The following KCNH7 variants were observed in gnomAD, a reference collection of about 807,000 sequenced individuals.
KCNH7 encodes voltage-gated inwardly rectifying potassium channel KCNH7.
Under a neutral mutation model 120.8 loss-of-function variants are expected in KCNH7, and 49 were observed. That is an observed-to-expected ratio of 0.41 (90% CI 0.32 to 0.51). The LOEUF (loss-of-function observed/expected upper bound fraction) is 0.51. KCNH7 is among the 20% of genes least tolerant of loss of function. The pLI, the probability that KCNH7 is intolerant of heterozygous loss-of-function variation, is 0.38. For synonymous variants in KCNH7, 547 were observed against 516.1 expected (o/e 1.06, Z -0.81); for missense variants, 1,097 against 1,446.6 (o/e 0.76, Z 3.92).
chr2:162,690,458 T>C (rs947017906), intron 2 of KCNH7, among the ~76,000 whole-genome samples: 2 of 152,206 alleles, frequency 1.3e-5, no homozygotes, highest in Non-Finnish European at 2.9e-5. Flanking sequence ...TTACCCATCA[T>C]TCATTTGTCT....
intron 2 of KCNH7, among the ~76,000 whole-genome samples, chr2:162,660,817 G>A (rs868541729): frequency 8.6e-5 from 13 of 151,974 alleles, no homozygotes; most frequent in Non-Finnish European, 1.2e-4. Context: ...GGTATATGTC[G>A]AAATAAACAC....
chr2:162,756,819 A>G (rs1288366247), intron 2 of KCNH7, among the ~76,000 whole-genome samples: 1 of 152,172 alleles, frequency 6.6e-6, no homozygotes, highest in Admixed American at 6.6e-5. Flanking sequence ...TTAAAGGACA[A>G]TTTAGCTTAT....
chr2:162,835,323 G>A (rs1685621489), intron 2 of KCNH7, among the ~76,000 whole-genome samples: 1 of 151,978 alleles, frequency 6.6e-6, no homozygotes, highest in Admixed American at 6.6e-5. Flanking sequence ...ATTGTACATT[G>A]AATTATAAGA....
intron 6 of KCNH7, among the ~76,000 whole-genome samples, chr2:162,500,366 TA>T (rs374220661): frequency 1.4e-4 from 10 of 71,794 alleles, no homozygotes; most frequent in African/African-American, 4.1e-4. Context: ...ATATAGTATA[TA>T]ATGTATATAT....
At chr2:162,818,815 GT>G (rs1221560455) in intron 2 of KCNH7, among the ~76,000 whole-genome samples, 1 of 152,012 alleles carries the variant, frequency 6.6e-6, no homozygotes, top group Admixed American at 6.6e-5. Flanking sequence ...CATTTTTCAA[GT>G]TTTTTTCACA....
chr2:162,540,469 G>A (rs1692265610), intron 2 of KCNH7, among the ~76,000 whole-genome samples: 1 of 152,044 alleles, frequency 6.6e-6, no homozygotes, highest in African/African-American at 2.4e-5. Context: ...ATAAGTTGGT[G>A]GCGTATACCT....
intron 2 of KCNH7, among the ~76,000 whole-genome samples, chr2:162,804,890 A>T (rs546948527): frequency 6.6e-6 from 1 of 152,080 alleles, no homozygotes; most frequent in South Asian, 2.1e-4. Context: ...CATCTTAATG[A>T]TATAGACACA....
chr2:162,406,158 C>A (rs1687210478), intron 9 of KCNH7, among the ~76,000 whole-genome samples: 1 of 151,902 alleles, frequency 6.6e-6, no homozygotes, highest in Non-Finnish European at 1.5e-5. Context: ...GGTGGTTATA[C>A]TTTCTCGATT....
intron 12 of KCNH7, among the ~76,000 whole-genome samples, chr2:162,393,561 G>A (rs1336604375): frequency 6.6e-6 from 1 of 151,922 alleles, no homozygotes; most frequent in Non-Finnish European, 1.5e-5. Context: ...GAAGATTGAA[G>A]TATTACAGAC....
rs562861847 is a variant in KCNH7, at chr2:162,465,727, T to C, written c.1129-19284A>G. On this transcript the variant is annotated intron_variant, in intron 6 of 15. Transcript: ENST00000332142. ...AACTGGGTATATCAATATTGTACAT[T>C]TACAAAAAATCCATTAAGTATCATG... Among the ~76,000 whole-genome samples, 17 of 152,278 alleles carry C rather than the reference T, an allele frequency of 1.1e-4. No individual in the cohort carries two copies. In the East Asian group the frequency reaches 3.3e-3, roughly 29 times the overall value.
At chr2:162,725,597 T>A (rs768256836) in intron 2 of KCNH7, among the ~76,000 whole-genome samples, 20 of 152,164 alleles carry the variant, frequency 1.3e-4, no homozygotes, top group Non-Finnish European at 2.8e-4. Flanking sequence ...CACTGGGAAG[T>A]TATTCATGAA....
intron 2 of KCNH7, among the ~76,000 whole-genome samples, chr2:162,574,842 C>T (rs1693615486): frequency 6.6e-6 from 1 of 152,098 alleles, no homozygotes; most frequent in Admixed American, 6.6e-5. Flanking sequence ...CTTTCCTCTA[C>T]ACAGTATTAT....
chr2:162,759,864 T>C (rs184167659), intron 2 of KCNH7, among the ~76,000 whole-genome samples: 134 of 152,290 alleles, frequency 8.8e-4, no homozygotes, highest in Non-Finnish European at 1.1e-3. Context: ...TGTATTTGCT[T>C]CCACTAATTG....
intron 2 of KCNH7, among the ~76,000 whole-genome samples, chr2:162,563,573 T>C (rs1181124815): frequency 6.6e-6 from 1 of 152,188 alleles, no homozygotes; most frequent in Non-Finnish European, 1.5e-5. Flanking sequence ...ATTCAATTTC[T>C]TGTGTTGTGA....
chr2:162,799,432 TAATC>T (rs1193833993), intron 2 of KCNH7, among the ~76,000 whole-genome samples: 46 of 151,964 alleles, frequency 3.0e-4, no homozygotes, highest in Non-Finnish European at 1.2e-4. Context: ...GCATAGGTAA[TAATC>T]AAGCAATATT....
At chr2:162,629,712 TAGC>T (rs1683697506) in intron 2 of KCNH7, among the ~76,000 whole-genome samples, 2 of 152,098 alleles carry the variant, frequency 1.3e-5, no homozygotes. Context: ...GTCATGTTAG[TAGC>T]TTGAAATTGG....
chr2:162,394,509 A>T, intron 11 of KCNH7, 24 bp from the exon 12 acceptor site: 1 of 1,303,920 alleles, frequency 7.7e-7, no homozygotes, highest in Non-Finnish European at 1.1e-6. Context: ...ACATGAAGAT[A>T]AAATGAAAGA....
chr2:162,830,984 C>T (rs1685458742), intron 2 of KCNH7, among the ~76,000 whole-genome samples: 1 of 152,052 alleles, frequency 6.6e-6, no homozygotes, highest in Admixed American at 6.6e-5. Context: ...TACTTGAAAT[C>T]CCAAGTGAAT....
intron 2 of KCNH7, among the ~76,000 whole-genome samples, chr2:162,713,325 A>G (rs1356990342): frequency 6.6e-6 from 1 of 152,218 alleles, no homozygotes; most frequent in Non-Finnish European, 1.5e-5. Context: ...CTGCTGTTTG[A>G]GCCACAAAAT....
Sources: allele counts gnomAD v4.1 joint callset (sites outside exome capture counted in the v4.1 genomes callset), GRCh38; gene constraint gnomAD v4.1.1; transcripts MANE v1.5; gene names NCBI Gene and HGNC (gene_info 2026-07-23, HGNC 2026-07-21).